The following AEBP2 variants were observed in gnomAD, a reference collection of about 807,000 sequenced individuals.
The protein encoded by AEBP2 is AE binding protein 2.
AEBP2 carries 10 observed loss-of-function variants against 50.8 expected under a neutral mutation model. The observed-to-expected ratio is 0.20, with a 90% CI of 0.12 to 0.33. The LOEUF is 0.33. Among genes scored for constraint, AEBP2 ranks in the 10% least tolerant of loss-of-function variants. The pLI, the probability that AEBP2 is intolerant of heterozygous loss-of-function variation, is 1.00. For missense variants in AEBP2, 570 were observed against 688.0 expected (o/e 0.83, Z 1.92); for synonymous variants, 296 against 261.3 (o/e 1.13, Z -1.28).
intron 7 of AEBP2, among the ~76,000 whole-genome samples, chr12:19,516,402 C>CA (rs1219905241): frequency 6.6e-6 from 1 of 152,132 alleles, no homozygotes; most frequent in African/African-American, 2.4e-5. Flanking sequence ...AGAGAGTTGT[C>CA]AAAGGGCCAT....
chr12:19,439,554 C>T lies in AEBP2; in HGVS notation c.-146C>T, dbSNP rs1381135484. Reference sequence around the variant, plus strand: ...CCGCGCGGGCTCCGTAGCGCGTGTGCAGGCTGACGCAGCTCGCGGGCCCTC... The same window carrying T: ...CCGCGCGGGCTCCGTAGCGCGTGTGTAGGCTGACGCAGCTCGCGGGCCCTC... On this transcript the variant is annotated 5_prime_UTR_variant, in exon 1 of 8. Transcript: ENST00000266508. The T allele has an allele frequency of 1.8e-6, 2 of 1,082,372 alleles. No individual in the cohort carries two copies. The highest frequency in any genetic ancestry group is 2.5e-6 in the Non-Finnish European group (2 of 791,954). The allele number at this position is 1,082,372 out of a possible 1,614,324, so 67.0% of individuals were successfully genotyped here. A position where few individuals can be genotyped will look rare whatever the true frequency, so the allele number is the denominator to read the frequency against.
intron 1 of AEBP2, among the ~76,000 whole-genome samples, chr12:19,427,049 G>T (rs1488159648): frequency 6.6e-6 from 1 of 152,166 alleles, no homozygotes; most frequent in African/African-American, 2.4e-5. Context: ...TTGTGGGCAA[G>T]CATTATCCAA....
chr12:19,408,675 G>C (rs1441898943), intron 1 of AEBP2, among the ~76,000 whole-genome samples: 1 of 152,098 alleles, frequency 6.6e-6, no homozygotes, highest in East Asian at 1.9e-4. Context: ...GCCGAGGCAG[G>C]TGGATCACGA....
At chr12:19,471,991 A>T (rs893090099) in intron 2 of AEBP2, among the ~76,000 whole-genome samples, 3 of 152,160 alleles carry the variant, frequency 2.0e-5, no homozygotes, top group African/African-American at 7.2e-5. Context: ...TCTCATACTT[A>T]AAGAAACTAG....
intron 1 of AEBP2, among the ~76,000 whole-genome samples, chr12:19,433,902 A>G (rs1236545559): frequency 1.3e-5 from 2 of 151,396 alleles, no homozygotes; most frequent in East Asian, 3.9e-4. Flanking sequence ...GCTGGAGTGT[A>G]GTGGCGCGAT....
chr12:19,432,549 C>A (rs2095751970), intron 1 of AEBP2, among the ~76,000 whole-genome samples: 1 of 151,862 alleles, frequency 6.6e-6, no homozygotes, highest in Admixed American at 6.6e-5. Context: ...CAAAAATTAG[C>A]CCGGCATGAT....
At chr12:19,484,805 A>C (rs1409630891) in intron 3 of AEBP2, among the ~76,000 whole-genome samples, 2 of 151,974 alleles carry the variant, frequency 1.3e-5, no homozygotes, top group African/African-American at 4.8e-5. Context: ...AAAATGAAGG[A>C]GGTAGTAAAT....
chr12:19,508,942 C>T (rs1158331342), intron 5 of AEBP2: 3 of 438,238 alleles, frequency 6.8e-6, no homozygotes, highest in Non-Finnish European at 1.3e-5. Context: ...GGCTTTTCTA[C>T]AATACAGCCT....
Position 19,439,726 on chromosome 12 carries a change from C to G in AEBP2, c.27C>G (p.Ala9=), listed in dbSNP as rs1380912615. 8 of 1,516,844 alleles carry G rather than the reference C, an allele frequency of 5.3e-6. No homozygotes were observed. The highest frequency in any genetic ancestry group is 7.0e-6 in the Non-Finnish European group (8 of 1,139,100). 94.0% of individuals were successfully genotyped at this position (1,516,844 alleles called of 1,614,324 possible). MAAAITDM[A]DLEELSRLSP... is the part of the protein sequence containing the mutation. ...TGGCCGCCGCTATCACCGACATGGC[C>G]GACCTGGAGGAGCTCTCCCGCCTGA... is the stretch of plus-strand genomic sequence containing the variant. Residue 9 remains alanine (A), a synonymous_variant, in exon 1 of 8, where the codon GCC becomes GCG. Coordinates refer to ENST00000266508, the MANE Select transcript of AEBP2 (RefSeq NM_153207.5).
intron 1 of AEBP2, chr12:19,440,764 A>G: frequency 1.3e-6 from 2 of 1,533,570 alleles, no homozygotes; most frequent in South Asian, 1.2e-5. Context: ...AACACTTGTC[A>G]GAACTACAAT....
intron 2 of AEBP2, among the ~76,000 whole-genome samples, chr12:19,466,017 C>G (rs1050812779): frequency 2.0e-5 from 3 of 151,708 alleles, no homozygotes; most frequent in Non-Finnish European, 4.4e-5. Context: ...GTCTCGAACT[C>G]CTGATCTCAG....
intron 1 of AEBP2, among the ~76,000 whole-genome samples, chr12:19,429,427 G>A (rs1373071099): frequency 9.2e-5 from 14 of 152,056 alleles, no homozygotes; most frequent in South Asian, 4.2e-4. Flanking sequence ...GAATAGTGCC[G>A]CAATAAACAC....
chr12:19,462,788 GC>G, intron 2 of AEBP2, 71 bp downstream of exon 2: 4 of 1,358,430 alleles, frequency 2.9e-6, no homozygotes, highest in Middle Eastern at 1.9e-4. Context: ...TGCTAGTTAG[GC>G]TTTTTTGCTG....
intron 6 of AEBP2, 90 bp from the exon 7 acceptor site, chr12:19,514,581 G>T: frequency 1.0e-6 from 1 of 999,558 alleles, no homozygotes; most frequent in Non-Finnish European, 1.5e-6. Context: ...ACTGATCAAA[G>T]TAGCAGAAAA....
In AEBP2 at chr12:19,514,710, G is replaced by T. The variant is rs773449162; in HGVS notation, c.1407G>T (p.Gln469His). The T allele has an allele frequency of 3.1e-6, 5 of 1,611,274 alleles. No individual in the cohort carries two copies. In the South Asian group the frequency reaches 5.5e-5, roughly 18 times the overall value. The change falls in exon 7 of 8, where the codon CAG becomes CAT. Residue 469 changes from glutamine to histidine, a missense_variant. Physicochemically the swap from Gln to His is conservative, Grantham distance 24. Coordinates refer to ENST00000266508, the MANE Select transcript of AEBP2 (RefSeq NM_153207.5). ...DVWVNESERH[Q>H]LKTKVVHLSK... ...GGGTGAATGAAAGTGAACGACATCA[G>T]TTAAAAACTAAAGTAGTTCATTTAT...
At chr12:19,480,500 C>G (rs898125590) in intron 3 of AEBP2, among the ~76,000 whole-genome samples, 1 of 152,186 alleles carries the variant, frequency 6.6e-6, no homozygotes, top group African/African-American at 2.4e-5. Context: ...GTGACAAATT[C>G]TCTTAGCCTT....
chr12:19,472,082 T>C (rs1278756598), intron 2 of AEBP2, among the ~76,000 whole-genome samples: 1 of 152,190 alleles, frequency 6.6e-6, no homozygotes, highest in Non-Finnish European at 1.5e-5. Context: ...TGCCTTGTTA[T>C]ACCTATTTGA....
chr12:19,507,242 TG>T (rs1949165730), intron 5 of AEBP2, among the ~76,000 whole-genome samples: 1 of 152,128 alleles, frequency 6.6e-6, no homozygotes, highest in Non-Finnish European at 1.5e-5. Context: ...TTTAGTGAAA[TG>T]GTGGTCTAGT....
At chr12:19,435,870 T>C (rs892147785), upstream of AEBP2, among the ~76,000 whole-genome samples, 11 of 152,202 alleles carry the variant, frequency 7.2e-5, no homozygotes, top group African/African-American at 2.7e-4. Context: ...ATACATTTGT[T>C]GGGGCTCAGA....
Sources: allele counts gnomAD v4.1 joint callset (sites outside exome capture counted in the v4.1 genomes callset), GRCh38; gene constraint gnomAD v4.1.1; transcripts MANE v1.5; gene names NCBI Gene and HGNC (gene_info 2026-07-23, HGNC 2026-07-21).